LDB1: variants seen among roughly 807,000 people sequenced by gnomAD.
The protein encoded by LDB1 is LIM domain-binding protein 1.
A neutral mutation model predicts 49.7 loss-of-function variants in LDB1; 6 were observed. The ratio of observed to expected loss-of-function variants is 0.12; its 90% CI spans 0.07 to 0.24. LDB1 has a LOEUF of 0.24. Ranked by LOEUF, LDB1 falls within the 10% of genes least tolerant of loss-of-function variation. The pLI is 1.00. For synonymous variants in LDB1, 233 were observed against 202.0 expected (o/e 1.15, Z -1.30); for missense variants, 341 against 561.7 (o/e 0.61, Z 3.97).
chr10:102,117,393 T>TCTTC lies in LDB1; in HGVS notation c.25+2692_25+2693insGAAG, dbSNP rs2068347722. ...TCCAGCTAAAAAGAGCAAGTCTGAG[T>TCTTC]TAGAAGGCCTTAGAATTGGTGGTGA... On this transcript the variant is annotated intron_variant, in intron 1 of 10. Transcript: ENST00000673968. The surrounding 1 kb of genome is among the most constrained non-coding windows in gnomAD (Gnocchi z 4.2). Among the ~76,000 whole-genome samples, 1 of 152,132 alleles carries TCTTC rather than the reference T, an allele frequency of 6.6e-6. No individual in the cohort carries two copies. The highest frequency in any genetic ancestry group is 1.5e-5 in the Non-Finnish European group (1 of 68,008).
At chr10:102,119,967 G>GC in intron 1 of LDB1, 119 bp downstream of exon 1, 1 of 729,254 alleles carries the variant, frequency 1.4e-6, no homozygotes. Context: ...AGCCCTTCCA[G>GC]CCCCCGGCTT....
intron 1 of LDB1, among the ~76,000 whole-genome samples, chr10:102,115,927 C>A (rs2068330760): frequency 6.6e-6 from 1 of 152,026 alleles, no homozygotes; most frequent in Non-Finnish European, 1.5e-5. Context: ...CACACACACA[C>A]ACAAACACAC....
At position 102,109,765 on chromosome 10, in the gene LDB1, C is replaced by A. The variant is rs535560317; in HGVS notation, c.649-82G>T. 1.0e-4 allele frequency: 162 copies of A among 1,545,860 alleles called. No individual in the cohort carries two copies. The African/African-American group carries it at 2.0e-3, about 19-fold the overall frequency. ...CTGCCCTATCATCTGAGCATTGTGA[C>A]ACTCCTGAGAGAGGATAGTCTCTTA... On this transcript the variant is annotated intron_variant, in intron 7 of 10. Transcript: ENST00000673968. This position sits in a 1 kb window ranked among gnomAD's most constrained non-coding sequence, Gnocchi z 5.8.
intron 1 of LDB1, among the ~76,000 whole-genome samples, chr10:102,119,021 C>G (rs1226352086): frequency 6.6e-6 from 1 of 152,188 alleles, no homozygotes; most frequent in African/African-American, 2.4e-5. Flanking sequence ...GCCTGGGTCA[C>G]ATGATTTTCA....
At chr10:102,114,650 G>A in intron 1 of LDB1, 2 of 958,658 alleles carry the variant, frequency 2.1e-6, no homozygotes, top group Non-Finnish European at 2.5e-6. Flanking sequence ...CGGGGGCCGG[G>A]GGCCAGGGGG....
intron 1 of LDB1, among the ~76,000 whole-genome samples, chr10:102,115,882 C>T (rs1280552910): frequency 4.6e-5 from 7 of 151,956 alleles, no homozygotes; most frequent in Admixed American, 4.6e-4. Context: ...AGACCTTACT[C>T]GTGGACAAAT....
chr10:102,109,123 C>T lies in LDB1; in HGVS notation c.911G>A (p.Gly304Asp). Residue 304 changes from glycine to aspartate, a missense_variant, in exon 10 of 11, where the codon GGC becomes GAC. Transcript: ENST00000673968. The surrounding 1 kb of genome is among the most constrained non-coding windows in gnomAD (Gnocchi z 5.8). The part of the protein sequence containing the change: ...SKRRKRKMSG[G>D]STMSSGGGNT... ...GCCACCACCAGAGCTCATGGTGCTGCCCCCTGACATCTTCCGTTTCCGCCG... is the reference window on the plus strand; with the variant it reads ...GCCACCACCAGAGCTCATGGTGCTGTCCCCTGACATCTTCCGTTTCCGCCG... The T allele has an allele frequency of 6.2e-7, 1 of 1,614,144 alleles. No homozygotes were observed. Among genetic ancestry groups the T allele is most frequent in the Non-Finnish European group, 8.5e-7 (1 of 1,180,024 alleles).
chr10:102,108,209 C>G lies in LDB1; in HGVS notation c.1120G>C (p.Asp374His). 6.2e-7 allele frequency: 1 copy of G among 1,614,054 alleles called. No homozygotes were observed. The highest frequency in any genetic ancestry group is 2.2e-5 in the East Asian group (1 of 44,878). ...GGGGAGTTGTTAAAGCTGTCCTCGT[C>G]GTCAATGCCGTTGGCTGCGTCAAAC... is the stretch of plus-strand genomic sequence containing the variant. ...TQFDAANGIDDEDSFNNSPAL... is the reference protein window; with the variant it reads ...TQFDAANGIDHEDSFNNSPAL... Residue 374 changes from aspartate (D) to histidine (H), a missense_variant, in exon 11 of 11, where the codon GAC becomes CAC. Physicochemically the swap from Asp to His is moderately conservative, Grantham distance 81 (BLOSUM62 -1). Around this residue, in one of 5 missense-constraint regions of LDB1, gnomAD observed 46 missense variants for 62.9 expected, o/e 0.73. Coordinates refer to ENST00000673968, the MANE Select transcript of LDB1 (RefSeq NM_001113407.3).
intron 2 of LDB1, 64 bp from the exon 3 acceptor site, chr10:102,111,364 T>A: frequency 6.3e-7 from 1 of 1,593,212 alleles, no homozygotes; most frequent in South Asian, 1.1e-5. Context: ...GGCAGGGGGC[T>A]ACTCCCTCCC....
rs922356158 is a variant in LDB1 at position 102,117,627 on chromosome 10, C to T, written c.25+2459G>A. Reference sequence around the variant, plus strand: ...TGCCCGGCCTCCCGTTGGCCTGGCGCTCTGCCATCCTCCTCTCCTGGCTCC... The same window carrying T: ...TGCCCGGCCTCCCGTTGGCCTGGCGTTCTGCCATCCTCCTCTCCTGGCTCC... On this transcript the variant is annotated intron_variant, in intron 1 of 10. Transcript: ENST00000673968. This position sits in a 1 kb window ranked among gnomAD's most constrained non-coding sequence, Gnocchi z 4.2. Among the ~76,000 whole-genome samples, 3 of 152,122 alleles carry T rather than the reference C, an allele frequency of 2.0e-5. No homozygotes were observed. The highest frequency in any genetic ancestry group is 4.4e-5 in the Non-Finnish European group (3 of 68,004).
chr10:102,120,157 C>T lies in LDB1; in HGVS notation c.-47G>A. ...GGGCCCAGCCGAGTCACGGTGCCCG[C>T]CCCTCGCGGGGACAGGCCGGGCATG... On this transcript the variant is annotated 5_prime_UTR_variant, in exon 1 of 11. Coordinates refer to ENST00000673968, the MANE Select transcript of LDB1 (RefSeq NM_001113407.3). The T allele has an allele frequency of 8.0e-7, 1 of 1,255,944 alleles. No homozygotes were observed. The highest frequency in any genetic ancestry group is 1.0e-6 in the Non-Finnish European group (1 of 992,118). The allele number at this position is 1,255,944 out of a possible 1,614,324, so 77.8% of individuals were successfully genotyped here. A position where few individuals can be genotyped will look rare whatever the true frequency, so the allele number is the denominator to read the frequency against.
At chr10:102,110,141 C>A (rs1038310099) in intron 6 of LDB1, 98 bp from the exon 7 acceptor site, 1 of 1,365,098 alleles carries the variant, frequency 7.3e-7, no homozygotes, top group Non-Finnish European at 1.0e-6. Context: ...TCTCCCATTG[C>A]ATACACTTTT....
intron 1 of LDB1, chr10:102,114,812 G>GGGGGGGCCCCCCCCCCCCCCCCC: frequency 3.2e-6 from 3 of 929,814 alleles, no homozygotes; most frequent in Non-Finnish European, 3.8e-6. Context: ...CCTCCGAGCA[G>GGGGGGGCCCCCCCCCCCCCCCCC]CCCGCCCGCC....
At chr10:102,112,786 T>A (rs2068274561) in intron 1 of LDB1, among the ~76,000 whole-genome samples, 2 of 152,146 alleles carry the variant, frequency 1.3e-5, no homozygotes, top group African/African-American at 4.8e-5. Context: ...TAGGGGCAAG[T>A]GGTCACTAGA....
downstream of LDB1, among the ~76,000 whole-genome samples, chr10:102,102,662 T>C (rs2152903): frequency 0.096 from 14,544 of 152,236 alleles, 1,764 homozygotes; most frequent in African/African-American, 0.29. Context: ...CTTTTGAGTA[T>C]GTAGTCTCCC....
Position 102,117,912 on chromosome 10 carries a change from C to T in LDB1, c.25+2174G>A, listed in dbSNP as rs985655234. ...GTGTGCATGTGTGTGGGTCTGTGTG[C>T]GCTCTGGCTTCCCTCAGTCACATGT... On this transcript the variant is annotated intron_variant, in intron 1 of 10. Coordinates refer to ENST00000673968, the MANE Select transcript of LDB1 (RefSeq NM_001113407.3). The surrounding 1 kb of genome is among the most constrained non-coding windows in gnomAD (Gnocchi z 4.2). Among the ~76,000 whole-genome samples the T allele has an allele frequency of 2.0e-5, 3 of 152,022 alleles. No homozygotes were observed. The highest frequency in any genetic ancestry group is 2.9e-5 in the Non-Finnish European group (2 of 67,990).
At chr10:102,115,663 C>G (rs1242852768) in intron 1 of LDB1, among the ~76,000 whole-genome samples, 1 of 151,964 alleles carries the variant, frequency 6.6e-6, no homozygotes. Context: ...CTAGGGAAAG[C>G]CAACTTGGCC....
intron 1 of LDB1, among the ~76,000 whole-genome samples, chr10:102,113,801 C>T (rs567623936): frequency 6.6e-5 from 10 of 151,746 alleles, no homozygotes; most frequent in Non-Finnish European, 1.3e-4. Context: ...CCATTTCTCT[C>T]TCTAGAGAAT....
chr10:102,106,336 G>A (rs138634623), downstream of LDB1, among the ~76,000 whole-genome samples: 27 of 151,870 alleles, frequency 1.8e-4, no homozygotes, highest in African/African-American at 6.0e-4. Context: ...TTGGGTGAAG[G>A]AGAAGTGTAA....
Sources: allele counts gnomAD v4.1 joint callset (sites outside exome capture counted in the v4.1 genomes callset), GRCh38; gene constraint gnomAD v4.1.1; regional missense constraint gnomAD v4.1.1; non-coding constraint Gnocchi (gnomAD v3.1); transcripts MANE v1.5; gene names NCBI Gene and HGNC (gene_info 2026-07-23, HGNC 2026-07-21).